Variants in IRGM observed in about 807,000 individuals in gnomAD.
The protein encoded by IRGM is immunity related GTPase M.
For missense variants in IRGM, 288 were observed against 219.9 expected (o/e 1.31, Z -1.96); for synonymous variants, 98 against 80.6 (o/e 1.22, Z -1.16).
intron 3 of IRGM, among the ~76,000 whole-genome samples, chr5:150,881,471 A>T (rs959536724): frequency 1.3e-4 from 20 of 152,156 alleles, no homozygotes; most frequent in African/African-American, 4.8e-4. Context: ...GTTACAAAAA[A>T]ATGCTAAAGA....
intron 3 of IRGM, among the ~76,000 whole-genome samples, chr5:150,882,781 TC>T (rs1179862748): frequency 1.3e-5 from 2 of 152,120 alleles, no homozygotes; most frequent in African/African-American, 2.4e-5. Context: ...AAAGGACTTC[TC>T]TACCGCAGCT....
intron 1 of IRGM, among the ~76,000 whole-genome samples, chr5:150,870,509 CTTTTTTT>C (rs60200385): frequency 7.4e-6 from 1 of 135,632 alleles, no homozygotes; most frequent in African/African-American, 2.7e-5. Flanking sequence ...TATACAACTC[CTTTTTTT>C]TTTTTTTTTT....
intron 3 of IRGM, chr5:150,896,638 G>A (rs764668312): frequency 1.9e-6 from 3 of 1,613,524 alleles, no homozygotes; most frequent in Non-Finnish European, 2.5e-6. Context: ...TAACAACTCG[G>A]TAGGTCAATA....
chr5:150,896,114 A>G (rs748650915), intron 3 of IRGM: 2 of 1,613,208 alleles, frequency 1.2e-6, no homozygotes, highest in Non-Finnish European at 1.7e-6. Context: ...TTTCCCCAGT[A>G]TGTATTCTCT....
chr5:150,852,838 C>T (rs988259422), downstream of IRGM, among the ~76,000 whole-genome samples: 2 of 151,942 alleles, frequency 1.3e-5, no homozygotes, highest in African/African-American at 4.8e-5. Flanking sequence ...TATCTCATTT[C>T]CTGGAGAAGT....
intron 1 of IRGM, among the ~76,000 whole-genome samples, chr5:150,870,977 A>T (rs1754274890): frequency 6.6e-6 from 1 of 151,794 alleles, no homozygotes; most frequent in Admixed American, 6.6e-5. Flanking sequence ...CTAAATTCCC[A>T]CCAAAAAAAA....
At chr5:150,900,244 T>G (rs148653404) in intron 3 of IRGM, among the ~76,000 whole-genome samples, 336 of 152,216 alleles carry the variant, frequency 2.2e-3, no homozygotes, top group African/African-American at 7.7e-3. Flanking sequence ...CATCATGATC[T>G]TTTATATTTT....
At chr5:150,854,528 G>A (rs747420492) in intron 1 of IRGM, among the ~76,000 whole-genome samples, 4 of 152,056 alleles carry the variant, frequency 2.6e-5, no homozygotes, top group Non-Finnish European at 5.9e-5. Flanking sequence ...TTGTTTACCT[G>A]GGGGTGCATT....
chr5:150,849,067 G>A (rs966787165), downstream of IRGM, among the ~76,000 whole-genome samples: 1 of 151,864 alleles, frequency 6.6e-6, no homozygotes, highest in Admixed American at 6.6e-5. Context: ...GGCAAGTAAT[G>A]GTCGGGAGGA....
At position 150,848,302 on chromosome 5, in the gene IRGM, G is replaced by T; in HGVS notation, c.179G>T (p.Gly60Val). 6.4e-7 allele frequency: 1 copy of T among 1,551,752 alleles called. No individual in the cohort carries two copies. Among genetic ancestry groups the T allele is most frequent in the South Asian group, 1.2e-5 (1 of 84,062 alleles). Residue 60 changes from glycine to valine, a missense_variant, in exon 2 of 2, where the codon GGT becomes GTT. By Grantham distance (109) the Gly-to-Val change is moderately radical. Transcript: ENST00000522154. ...GCCCTTCGAAACACAGGACATGAGG[G>T]TAAGGCCTCACCTCCTACTGAGCTG... is the stretch of plus-strand genomic sequence containing the variant. ...ISALRNTGHE[G>V]KASPPTELVK... is the part of the protein sequence containing the mutation.
intron 3 of IRGM, among the ~76,000 whole-genome samples, chr5:150,892,705 G>A (rs1411893718): frequency 6.6e-6 from 1 of 151,926 alleles, no homozygotes; most frequent in Non-Finnish European, 1.5e-5. Flanking sequence ...TATTTGAGGA[G>A]GCTGCCCTTT....
At chr5:150,856,369 T>A (rs1229210927) in intron 1 of IRGM, among the ~76,000 whole-genome samples, 2 of 152,108 alleles carry the variant, frequency 1.3e-5, no homozygotes, top group African/African-American at 2.4e-5. Flanking sequence ...AGGCAGAGGC[T>A]GCAGTGAGCT....
chr5:150,848,772 C>T (rs550942650), downstream of IRGM: 448 of 826,342 alleles, frequency 5.4e-4, 2 homozygotes, highest in Middle Eastern at 7.3e-4. Flanking sequence ...GGGTATCTTA[C>T]AATTTTCGGG....
At chr5:150,880,957 T>C (rs1225238497) in intron 3 of IRGM, among the ~76,000 whole-genome samples, 2 of 152,052 alleles carry the variant, frequency 1.3e-5, no homozygotes, top group African/African-American at 2.4e-5. Context: ...TAAAACCCCG[T>C]CTCTACTAAA....
chr5:150,894,088 G>A (rs931407536), intron 3 of IRGM, among the ~76,000 whole-genome samples: 2 of 152,028 alleles, frequency 1.3e-5, no homozygotes, highest in African/African-American at 4.8e-5. Context: ...AGCCAAGCAG[G>A]AAGGGGATCA....
chr5:150,884,215 A>G (rs1216382669), intron 3 of IRGM, among the ~76,000 whole-genome samples: 1 of 151,980 alleles, frequency 6.6e-6, no homozygotes, highest in African/African-American at 2.4e-5. Context: ...GGAAAAATAT[A>G]CTTTATACTT....
intron 3 of IRGM, among the ~76,000 whole-genome samples, chr5:150,899,084 A>G (rs1754903717): frequency 6.6e-6 from 1 of 152,076 alleles, no homozygotes; most frequent in African/African-American, 2.4e-5. Flanking sequence ...ATGCAAAGAG[A>G]AAAAAGAAGA....
chr5:150,862,015 A>G (rs1023350018), intron 1 of IRGM, among the ~76,000 whole-genome samples: 2 of 152,216 alleles, frequency 1.3e-5, no homozygotes, highest in African/African-American at 4.8e-5. Context: ...TTTTGATTCA[A>G]TGTCTCTCAT....
intron 3 of IRGM, chr5:150,894,585 A>G (rs1561753711): frequency 6.6e-6 from 1 of 152,294 alleles, no homozygotes; most frequent in African/African-American, 2.4e-5. Context: ...TGGTTTTTAC[A>G]CATTAGTCTT....
Sources: allele counts gnomAD v4.1 joint callset (sites outside exome capture counted in the v4.1 genomes callset), GRCh38; gene constraint gnomAD v4.1.1; transcripts MANE v1.5; gene names NCBI Gene and HGNC (gene_info 2026-07-23, HGNC 2026-07-21).